The following CREBZF variants were observed in gnomAD, a reference collection of about 807,000 sequenced individuals.
CREBZF encodes the protein HCF-binding transcription factor Zhangfei.
Under a neutral mutation model 21.1 loss-of-function variants are expected in CREBZF, and 8 were observed. The observed-to-expected ratio is 0.38, with a 90% CI of 0.22 to 0.68. The LOEUF (loss-of-function observed/expected upper bound fraction) is 0.68, where lower values mean the gene tolerates loss of function less well. Among genes scored for constraint, CREBZF ranks in the 30% least tolerant of loss-of-function variants. The probability of loss-of-function intolerance (pLI) is 0.51; values close to 1 mark genes in which losing one functional copy is unlikely to be tolerated. For synonymous variants in CREBZF, 270 were observed against 223.3 expected (o/e 1.21, Z -1.86); for missense variants, 518 against 484.3 (o/e 1.07, Z -0.65).
chr11:85,666,156 A>C (rs1018719379), upstream of CREBZF, among the ~76,000 whole-genome samples: 5 of 152,204 alleles, frequency 3.3e-5, no homozygotes, highest in Non-Finnish European at 7.3e-5. Context: ...TTCTCAAAAC[A>C]TGTCTTTTAT....
At chr11:85,666,619 T>C (rs752377382), upstream of CREBZF, among the ~76,000 whole-genome samples, 3 of 152,232 alleles carry the variant, frequency 2.0e-5, no homozygotes, top group Non-Finnish European at 4.4e-5. Flanking sequence ...TAGCTGCTTC[T>C]ATACAGTATT....
intron 1 of CREBZF, among the ~76,000 whole-genome samples, chr11:85,677,541 T>G (rs187536125): frequency 6.6e-6 from 1 of 152,222 alleles, no homozygotes; most frequent in Non-Finnish European, 1.5e-5. Flanking sequence ...ATATTCTAGA[T>G]TTGCCTGTTT....
exon 1 of CREBZF, chr11:85,682,829 G>A (rs1393809448): frequency 2.8e-6 from 2 of 702,312 alleles, no homozygotes; most frequent in Non-Finnish European, 5.2e-6. Context: ...GCCGCAATTT[G>A]GGATGGATGA....
At chr11:85,676,174 T>C (rs1016103600) in intron 1 of CREBZF, among the ~76,000 whole-genome samples, 3 of 152,204 alleles carry the variant, frequency 2.0e-5, no homozygotes, top group Admixed American at 6.5e-5. Flanking sequence ...AAGTTGAGAA[T>C]TGCTGCTTCA....
chr11:85,681,208 G>A (rs997699693), intron 1 of CREBZF, among the ~76,000 whole-genome samples: 5 of 152,136 alleles, frequency 3.3e-5, no homozygotes, highest in Non-Finnish European at 7.3e-5. Context: ...AACTCTGCTG[G>A]TCTTGTCACA....
At chr11:85,675,844 G>A (rs955426951) in intron 1 of CREBZF, among the ~76,000 whole-genome samples, 1 of 152,188 alleles carries the variant, frequency 6.6e-6, no homozygotes, top group Non-Finnish European at 1.5e-5. Flanking sequence ...GAGACCATGA[G>A]GGGACATTAG....
chr11:85,681,814 A>G (rs751123514), intron 1 of CREBZF, among the ~76,000 whole-genome samples: 13 of 152,226 alleles, frequency 8.5e-5, no homozygotes, highest in Non-Finnish European at 1.5e-4. Context: ...TAATAGAGCA[A>G]CATACCATAA....
chr11:85,679,859 CT>C (rs1327643272), intron 1 of CREBZF, among the ~76,000 whole-genome samples: 2 of 152,174 alleles, frequency 1.3e-5, no homozygotes, highest in African/African-American at 4.8e-5. Context: ...AATGTGCAGG[CT>C]TTTGAATTGC....
Position 85,661,124 on chromosome 11 carries a change from T to C in CREBZF, c.*2687A>G, listed in dbSNP as rs1345036920. On this transcript the variant is annotated 3_prime_UTR_variant, in exon 1 of 1. Coordinates refer to ENST00000527447, the MANE Select transcript of CREBZF (RefSeq NM_001039618.4). ...GTAGTGAATCGGACACTTTAAGATA[T>C]TGTTTACTACATACTGAAATAAACA... is the stretch of plus-strand genomic sequence containing the variant. 6.5e-6 allele frequency: 1 copy of C among 153,276 alleles called. No homozygotes were observed. Among genetic ancestry groups the C allele is most frequent in the East Asian group, 1.9e-4 (1 of 5,196 alleles). 9.5% of individuals were successfully genotyped at this position (153,276 alleles called of 1,614,324 possible).
chr11:85,664,923 C>G lies in CREBZF; in HGVS notation c.-48G>C. 1 of 1,334,724 alleles carries G rather than the reference C, an allele frequency of 7.5e-7. No individual in the cohort carries two copies. Among genetic ancestry groups the G allele is most frequent in the Non-Finnish European group, 9.8e-7 (1 of 1,021,742 alleles). 82.7% of individuals were successfully genotyped at this position (1,334,724 alleles called of 1,614,324 possible). A position where few individuals can be genotyped will look rare whatever the true frequency, so the allele number is the denominator to read the frequency against. ...TAGGCCCCGGCCGCTAAGAGTGGGC[C>G]TCACGGGCCCCAAGGATCCCAGGCC... On this transcript the variant is annotated 5_prime_UTR_variant, in exon 1 of 1. Transcript: ENST00000527447. This position sits in a 1 kb window ranked among gnomAD's most constrained non-coding sequence, Gnocchi z 5.5.
intron 1 of CREBZF, among the ~76,000 whole-genome samples, chr11:85,670,300 C>CTTTT (rs1178979017): frequency 4.3e-4 from 17 of 39,210 alleles, no homozygotes; most frequent in African/African-American, 1.1e-3. Context: ...ATCTCAAGTT[C>CTTTT]TTTTTTTTTT....
At chr11:85,679,699 A>G (rs2082964111) in intron 1 of CREBZF, among the ~76,000 whole-genome samples, 1 of 152,246 alleles carries the variant, frequency 6.6e-6, no homozygotes, top group South Asian at 2.1e-4. Flanking sequence ...GGCATTCTTT[A>G]GGGACGAAAA....
At chr11:85,668,774 G>T (rs554228620), upstream of CREBZF, among the ~76,000 whole-genome samples, 12 of 151,376 alleles carry the variant, frequency 7.9e-5, no homozygotes, top group African/African-American at 2.9e-4. Flanking sequence ...AGGCCGAGGC[G>T]GGCGGATCAC....
rs985038073 is a variant in CREBZF, at chr11:85,658,830, G to C, written c.*4981C>G. ...TGAGATAAATAAAATTCAAATCAGTGTATTAACAGAACTACACAAATGTTT... is the reference window on the plus strand; with the variant it reads ...TGAGATAAATAAAATTCAAATCAGTCTATTAACAGAACTACACAAATGTTT... On this transcript the variant is annotated 3_prime_UTR_variant, in exon 1 of 1. Coordinates refer to ENST00000527447, the MANE Select transcript of CREBZF (RefSeq NM_001039618.4). Among the ~76,000 whole-genome samples the C allele has an allele frequency of 6.6e-6, 1 of 151,980 alleles. No individual in the cohort carries two copies. Among genetic ancestry groups the C allele is most frequent in the African/African-American group, 2.4e-5 (1 of 41,400 alleles).
In CREBZF at chr11:85,664,666, G is replaced by A. The variant is rs968720541; in HGVS notation, c.210C>T (p.Arg70=). 6.2e-7 allele frequency: 1 copy of A among 1,604,006 alleles called. No homozygotes were observed. The highest frequency in any genetic ancestry group is 8.5e-7 in the Non-Finnish European group (1 of 1,175,046). ...EGELEAGRGS[R]GGVAVRAPSP... ...AGGGCGCGCGCACGGCCACGCCGCC[G>A]CGGCTCCCCCTCCCGGCTTCCAACT... is the stretch of plus-strand genomic sequence containing the variant. The change falls in exon 1 of 1, where the codon CGC becomes CGT. Residue 70 remains arginine (R), a synonymous_variant. Coordinates refer to ENST00000527447, the MANE Select transcript of CREBZF (RefSeq NM_001039618.4). This position sits in a 1 kb window ranked among gnomAD's most constrained non-coding sequence, Gnocchi z 5.5.
rs2082710714 is a variant in CREBZF at position 85,662,370 on chromosome 11, T to C, written c.*1441A>G. ...CAGAAGCCCTGATATTACCTCTTTT[T>C]CCTCATTTCTTATACTACCTTTTAA... On this transcript the variant is annotated 3_prime_UTR_variant, in exon 1 of 1. Coordinates refer to ENST00000527447, the MANE Select transcript of CREBZF (RefSeq NM_001039618.4). The C allele has an allele frequency of 1.4e-6, 1 of 715,794 alleles. No homozygotes were observed. The highest frequency in any genetic ancestry group is 2.0e-5 in the Admixed American group (1 of 49,754). 44.3% of individuals were successfully genotyped at this position (715,794 alleles called of 1,614,324 possible).
At chr11:85,666,576 G>C (rs1259440703), upstream of CREBZF, among the ~76,000 whole-genome samples, 2 of 152,160 alleles carry the variant, frequency 1.3e-5, no homozygotes, top group African/African-American at 2.4e-5. Context: ...TTCTCTATAG[G>C]ATACTGAATA....
chr11:85,682,820 C>G (rs1400796051), exon 1 of CREBZF: 1 of 702,214 alleles, frequency 1.4e-6, no homozygotes, highest in East Asian at 2.7e-5. Flanking sequence ...TACCACGGGG[C>G]CGCAATTTGG....
chr11:85,668,776 G>A, upstream of CREBZF, among the ~76,000 whole-genome samples: 1 of 151,540 alleles, frequency 6.6e-6, no homozygotes, highest in East Asian at 1.9e-4. Context: ...GCCGAGGCGG[G>A]CGGATCACGA....
Sources: gnomAD v4.1 joint callset for allele counts (sites outside exome capture counted in the v4.1 genomes callset) on GRCh38, gnomAD v4.1.1 for gene constraint, Gnocchi (gnomAD v3.1) non-coding constraint, MANE v1.5 for transcripts, NCBI Gene and HGNC (gene_info 2026-07-23, HGNC 2026-07-21) for gene names.